CSMD1: variants seen among roughly 807,000 people sequenced by gnomAD.
CSMD1 encodes the protein CUB and Sushi multiple domains 1.
Under a neutral mutation model 417.5 loss-of-function variants are expected in CSMD1, and 213 were observed. The observed-to-expected ratio is 0.51, with a 90% CI of 0.46 to 0.57. The LOEUF is 0.57. Among genes scored for constraint, CSMD1 ranks in the 20% least tolerant of loss-of-function variants. The pLI, the probability that CSMD1 is intolerant of heterozygous loss-of-function variation, is 0.00. For synonymous variants in CSMD1, 2,862 were observed against 1,736.8 expected, an observed-to-expected ratio of 1.65 and a Z score of -16.11; for missense variants, 6,923 against 4,529.7, an observed-to-expected ratio of 1.53 and a Z score of -15.17.
At chr8:3,396,439 G>T (rs1306606972) in intron 16 of CSMD1, 58 bp from the exon 17 acceptor site, 5 of 1,231,258 alleles carry the variant, frequency 4.1e-6, no homozygotes, top group Non-Finnish European at 4.5e-6. Context: ...TTACAGACGT[G>T]CTCCTGACAT....
intron 3 of CSMD1, among the ~76,000 whole-genome samples, chr8:4,278,990 T>C (rs1396124513): frequency 6.6e-6 from 1 of 152,242 alleles, no homozygotes; most frequent in East Asian, 1.9e-4. Context: ...TGCTATATTG[T>C]TATAACTATT....
intron 3 of CSMD1, among the ~76,000 whole-genome samples, chr8:4,241,940 G>A (rs1254912455): frequency 6.6e-6 from 1 of 152,108 alleles, no homozygotes; most frequent in Non-Finnish European, 1.5e-5. Flanking sequence ...CCTACCAATT[G>A]ACCAGATTCA....
chr8:3,522,120 G>A (rs982298458), intron 10 of CSMD1, among the ~76,000 whole-genome samples: 4 of 152,030 alleles, frequency 2.6e-5, no homozygotes, highest in Admixed American at 6.5e-5. Context: ...CCTCAATTCT[G>A]TATTCTTTAA....
intron 1 of CSMD1, among the ~76,000 whole-genome samples, chr8:4,808,208 T>G (rs1206694290): frequency 6.6e-6 from 1 of 152,174 alleles, no homozygotes; most frequent in Non-Finnish European, 1.5e-5. Flanking sequence ...CCAGCACCAG[T>G]CGGTCAGCAG....
chr8:4,297,646 C>A (rs889634562), intron 3 of CSMD1, among the ~76,000 whole-genome samples: 2 of 152,106 alleles, frequency 1.3e-5, no homozygotes, highest in African/African-American at 4.8e-5. Flanking sequence ...AAAGTTCACA[C>A]TAGGGTTTGG....
intron 10 of CSMD1, among the ~76,000 whole-genome samples, chr8:3,516,970 A>G (rs1195141266): frequency 6.6e-6 from 1 of 152,220 alleles, no homozygotes; most frequent in East Asian, 1.9e-4. Context: ...CTTCTGTAAG[A>G]ATGAGGGTGA....
Position 3,151,538 on chromosome 8 carries a change from C to G in CSMD1, c.5915-25G>C, listed in dbSNP as rs752005500. The G allele has an allele frequency of 9.1e-6, 13 of 1,428,588 alleles. No homozygotes were observed. The Admixed American group carries it at 1.1e-4, about 12-fold the overall frequency. The allele number at this position is 1,428,588 out of a possible 1,614,324, so 88.5% of individuals were successfully genotyped here. On this transcript the variant is annotated intron_variant, in intron 39 of 69. Transcript: ENST00000635120. ...GCTGTTAAGTGGACAAGATGTCAGT[C>G]CTGCAGGTCCTCACTTTCTCCCTGG...
intron 5 of CSMD1, among the ~76,000 whole-genome samples, chr8:3,997,408 AGTTATTTTGCCTTTGAGGATCTT>A (rs1815300858): frequency 2.2e-5 from 3 of 136,742 alleles, no homozygotes; most frequent in Admixed American, 2.1e-4. Context: ...ATGTGTGTTA[AGTTATTTTGCCTTTGAGGATCTT>A]GTAGCCACGG....
chr8:3,219,147 C>A, intron 29 of CSMD1, 108 bp downstream of exon 29: 1 of 838,796 alleles, frequency 1.2e-6, no homozygotes, highest in South Asian at 1.7e-5. Context: ...AGACACATAT[C>A]AGCATTTATG....
chr8:4,249,453 A>T (rs1348593254), intron 3 of CSMD1, among the ~76,000 whole-genome samples: 3 of 152,186 alleles, frequency 2.0e-5, no homozygotes, highest in Admixed American at 1.3e-4. Flanking sequence ...ACAACCATGG[A>T]GACAGTGCGT....
chr8:3,498,634 G>A (rs539112041), intron 10 of CSMD1, among the ~76,000 whole-genome samples: 17 of 152,168 alleles, frequency 1.1e-4, no homozygotes, highest in African/African-American at 3.4e-4. Context: ...CTCCCATAAT[G>A]GGAATATTTG....
chr8:4,092,309 G>T (rs1203485949), intron 3 of CSMD1, among the ~76,000 whole-genome samples: 1 of 152,076 alleles, frequency 6.6e-6, no homozygotes, highest in East Asian at 1.9e-4. Context: ...ACATTTCCTG[G>T]CTTCGTCCTT....
At chr8:3,368,316 A>G (rs1288041638) in intron 19 of CSMD1, among the ~76,000 whole-genome samples, 2 of 152,114 alleles carry the variant, frequency 1.3e-5, no homozygotes, top group African/African-American at 4.8e-5. Flanking sequence ...TACTTATGTG[A>G]TCGAAATTCC....
intron 7 of CSMD1, among the ~76,000 whole-genome samples, chr8:3,638,097 G>T (rs948147648): frequency 1.3e-5 from 2 of 152,074 alleles, no homozygotes; most frequent in African/African-American, 4.8e-5. Flanking sequence ...TCAAATCAAG[G>T]AGCTCAGATT....
chr8:4,976,364 A>G (rs1165237141), intron 1 of CSMD1, among the ~76,000 whole-genome samples: 2 of 152,206 alleles, frequency 1.3e-5, no homozygotes, highest in Non-Finnish European at 2.9e-5. Flanking sequence ...TAACATAATT[A>G]TCTTATCTAT....
intron 1 of CSMD1, among the ~76,000 whole-genome samples, chr8:4,740,667 G>A (rs11786489): frequency 4.6e-5 from 7 of 152,134 alleles, no homozygotes; most frequent in Non-Finnish European, 1.0e-4. Context: ...TTTTCACTAA[G>A]AGGATGAGAA....
intron 23 of CSMD1, among the ~76,000 whole-genome samples, chr8:3,318,914 G>A (rs1212197263): frequency 6.6e-6 from 1 of 152,100 alleles, no homozygotes. Flanking sequence ...GATGGCAGGT[G>A]CTGCTTTCAG....
chr8:4,719,202 G>A (rs889006526), intron 1 of CSMD1, among the ~76,000 whole-genome samples: 5 of 152,150 alleles, frequency 3.3e-5, no homozygotes, highest in African/African-American at 4.8e-5. Context: ...GTGCAGGGGT[G>A]GGGGAGACTA....
At chr8:4,185,325 G>T (rs908213685) in intron 3 of CSMD1, among the ~76,000 whole-genome samples, 2 of 151,884 alleles carry the variant, frequency 1.3e-5, no homozygotes, top group Admixed American at 1.3e-4. Context: ...TCTTAAAAAG[G>T]GCTCACAATA....
Sources: gnomAD v4.1 joint callset for allele counts (sites outside exome capture counted in the v4.1 genomes callset) on GRCh38, gnomAD v4.1.1 for gene constraint, MANE v1.5 for transcripts, NCBI Gene and HGNC (gene_info 2026-07-23, HGNC 2026-07-21) for gene names.